The following MAP4 variants were observed in gnomAD, a reference collection of about 807,000 sequenced individuals.
MAP4 encodes microtubule-associated protein 4.
In MAP4, 76 loss-of-function variants were observed where a neutral mutation model predicts 170.2. That is an observed-to-expected ratio of 0.45 (90% confidence interval 0.37 to 0.54). The LOEUF is 0.54. Among genes scored for constraint, MAP4 ranks in the 20% least tolerant of loss-of-function variants. MAP4 has a pLI of 0.00. For missense variants in MAP4, 2,506 were observed against 2,748.0 expected (o/e 0.91, Z 1.97); for synonymous variants, 909 against 994.5 (o/e 0.91, Z 1.62).
Position 48,050,631 on chromosome 3 carries a change from G to A in MAP4, c.-20+38142C>T, listed in dbSNP as rs376036945. Among the ~76,000 whole-genome samples, 375 of 150,862 alleles carry A rather than the reference G, an allele frequency of 2.5e-3. 1 individual carries two copies. The highest frequency in any genetic ancestry group is 8.4e-3 in the African/African-American group (346 of 41,090). ...AAAAAAAAAAAAAACTATAGAGGAC[G>A]TGCGCGGTGGCCCACAACTGTAATC... On this transcript the variant is annotated intron_variant, in intron 1 of 18. Transcript: ENST00000360240.
intron 17 of MAP4, among the ~76,000 whole-genome samples, chr3:47,862,096 G>A (rs1371721962): frequency 8.7e-5 from 13 of 149,698 alleles, no homozygotes; most frequent in Non-Finnish European, 1.3e-4. Context: ...GGGAGGCGGA[G>A]GTTTCAGTGA....
chr3:47,880,603 C>T (rs2096559647), intron 10 of MAP4, among the ~76,000 whole-genome samples: 1 of 151,408 alleles, frequency 6.6e-6, no homozygotes, highest in African/African-American at 2.4e-5. Flanking sequence ...GTAGCTGGGA[C>T]TACTGGTACG....
At chr3:48,020,035 G>C (rs2100109801), upstream of MAP4, among the ~76,000 whole-genome samples, 1 of 152,034 alleles carries the variant, frequency 6.6e-6, no homozygotes. Context: ...GTTTTTTGTG[G>C]GGTTTTTGAG....
chr3:48,036,345 C>G (rs1268857316), intron 1 of MAP4, among the ~76,000 whole-genome samples: 3 of 152,196 alleles, frequency 2.0e-5, no homozygotes, highest in African/African-American at 7.2e-5. Context: ...AGTTAGCTCC[C>G]TTCACCAACA....
intron 10 of MAP4, among the ~76,000 whole-genome samples, chr3:47,900,109 A>T (rs2100029219): frequency 6.6e-6 from 1 of 152,224 alleles, no homozygotes; most frequent in South Asian, 2.1e-4. Context: ...GCCTCCAGGA[A>T]ACAATTATCA....
At chr3:48,045,485 C>T (rs1057033775) in intron 1 of MAP4, among the ~76,000 whole-genome samples, 1 of 151,972 alleles carries the variant, frequency 6.6e-6, no homozygotes, top group Non-Finnish European at 1.5e-5. Flanking sequence ...AGACTGTGCA[C>T]TCTTTATGAG....
At chr3:48,047,095 A>AAAATAAATAAATAAAT (rs373688704) in intron 1 of MAP4, among the ~76,000 whole-genome samples, 50 of 142,840 alleles carry the variant, frequency 3.5e-4, no homozygotes, top group Middle Eastern at 3.5e-3. Context: ...CTCCGTCTCA[A>AAAATAAATAAATAAAT]AAATAAATAA....
intron 7 of MAP4, 118 bp downstream of exon 7, chr3:47,915,833 T>C (rs1424407233): frequency 3.4e-6 from 4 of 1,188,624 alleles, no homozygotes; most frequent in African/African-American, 3.0e-5. Context: ...GGAGTATGAA[T>C]AAACTTGCAA....
rs1559446769 is a variant in MAP4, at chr3:47,916,053, T to C, written c.1774A>G (p.Met592Val). The C allele has an allele frequency of 6.2e-6, 10 of 1,614,128 alleles. No individual in the cohort carries two copies. Among genetic ancestry groups the C allele is most frequent in the Non-Finnish European group, 8.5e-6 (10 of 1,180,038 alleles). The change falls in exon 7 of 21, where the codon ATG becomes GTG. Residue 592 changes from methionine to valine, a missense_variant. Physicochemically the swap from Met to Val is conservative, Grantham distance 21. Coordinates refer to ENST00000683076, the MANE Select transcript of MAP4 (RefSeq NM_001385682.1). The part of the protein sequence containing the change: ...TEATPVPIKD[M>V]EIAQTQKGIS... ...CCTTTTTGTGTTTGTGCAATTTCCATGTCTTTAATTGGAACTGGTGTTGCC... is the reference window on the plus strand; with the variant it reads ...CCTTTTTGTGTTTGTGCAATTTCCACGTCTTTAATTGGAACTGGTGTTGCC...
Position 47,910,005 on chromosome 3 carries a change from C to G in MAP4, c.4416G>C (p.Gln1472His). Residue 1472 changes from glutamine (Q) to histidine (H), a missense_variant, in exon 9 of 21, where the codon CAG becomes CAC. Physicochemically the swap from Gln to His is conservative, Grantham distance 24. Transcript: ENST00000683076. ...AKNGQEIAPA[Q>H]ISKSLMVDNY... ...TATCTACCATTAATGATTTGGAAAT[C>G]TGGGCTGGGGCTATCTCTTGCCCAT... 6.2e-7 allele frequency: 1 copy of G among 1,613,980 alleles called. No individual in the cohort carries two copies. The highest frequency in any genetic ancestry group is 1.3e-5 in the African/African-American group (1 of 75,028).
Position 47,951,496 on chromosome 3 carries a change from C to T in MAP4, c.293-23146G>A, listed in dbSNP as rs550246486. 1.9e-4 allele frequency among the ~76,000 whole-genome samples: 29 copies of T among 152,328 alleles called. No homozygotes were observed. In the East Asian group the frequency reaches 5.6e-3, roughly 29 times the overall value. On this transcript the variant is annotated intron_variant, in intron 3 of 20. Transcript: ENST00000683076. ...TGCCTAGTGCCTGCGATTGCAGACG[C>T]GCGCCGCCACGCCTGACTGGTTTTC...
rs1430548296 is a variant in MAP4, at chr3:47,911,036, T to A, written c.3385A>T (p.Thr1129Ser). The A allele has an allele frequency of 6.5e-7, 1 of 1,536,072 alleles. No individual in the cohort carries two copies. Among genetic ancestry groups the A allele is most frequent in the Admixed American group, 2.0e-5 (1 of 50,984 alleles). Residue 1129 changes from threonine to serine, a missense_variant, in exon 9 of 21, where the codon ACT (threonine) becomes TCT (serine). By Grantham distance (58) the Thr-to-Ser change is moderately conservative. Around this residue, in one of 3 missense-constraint regions of MAP4, gnomAD observed 2,008 missense variants for 2,206.0 expected, o/e 0.91. Coordinates refer to ENST00000683076, the MANE Select transcript of MAP4 (RefSeq NM_001385682.1). This position sits in a 1 kb window ranked among gnomAD's most constrained non-coding sequence, Gnocchi z 4.0. ...LGLNSSKQPG[T>S]KADLTEAVVM... is the part of the protein sequence containing the mutation. ...ACTGCCTCCGTGAGATCAGCCTTAG[T>A]GCCTGGTTGCTTTGAAGAATTCAGC...
At chr3:47,988,867 C>T (rs1442015360) in intron 2 of MAP4, among the ~76,000 whole-genome samples, 1 of 152,028 alleles carries the variant, frequency 6.6e-6, no homozygotes, top group African/African-American at 2.4e-5. Context: ...GGCTTGAATG[C>T]AGTGGCACGA....
chr3:47,907,002 G>C (rs2100033469), intron 9 of MAP4, among the ~76,000 whole-genome samples: 1 of 151,880 alleles, frequency 6.6e-6, no homozygotes, highest in Non-Finnish European at 1.5e-5. Context: ...CACCCAGCTA[G>C]TTTTGTATTT....
chr3:47,955,435 T>TATAC (rs1553659679), intron 3 of MAP4, among the ~76,000 whole-genome samples: 5 of 135,488 alleles, frequency 3.7e-5, no homozygotes, highest in African/African-American at 1.4e-4. Flanking sequence ...AATAAGCACG[T>TATAC]ACACACACAC....
At chr3:47,882,081 T>C (rs1251544018) in intron 10 of MAP4, among the ~76,000 whole-genome samples, 1 of 152,032 alleles carries the variant, frequency 6.6e-6, no homozygotes, top group African/African-American at 2.4e-5. Flanking sequence ...GAGTTGGAGA[T>C]CAGCCTGGCC....
rs1384586163 is a variant in MAP4 at position 47,852,479 on chromosome 3, C to G, written c.*455G>C. On this transcript the variant is annotated 3_prime_UTR_variant, in exon 21 of 21. Transcript: ENST00000683076. The stretch of plus-strand genomic sequence containing the variant: ...TCGGAATCCACCTCCACTCTTCCCT[C>G]CAGGTAGATCCAGGGAGAAGGGAGG... The G allele has an allele frequency of 1.7e-5, 6 of 350,506 alleles. No homozygotes were observed. 21.7% of individuals were successfully genotyped at this position (350,506 alleles called of 1,614,324 possible).
chr3:47,977,640 C>T (rs942775745), intron 3 of MAP4, among the ~76,000 whole-genome samples: 2 of 152,198 alleles, frequency 1.3e-5, no homozygotes, highest in African/African-American at 2.4e-5. Context: ...TGTGGTACAG[C>T]TCCAATAAAT....
intron 1 of MAP4, among the ~76,000 whole-genome samples, chr3:48,026,502 CTA>C (rs2100113185): frequency 6.6e-6 from 1 of 152,106 alleles, no homozygotes; most frequent in Non-Finnish European, 1.5e-5. Flanking sequence ...TACAAAAACA[CTA>C]TATGTCAAGT....
Sources: allele counts gnomAD v4.1 joint callset (sites outside exome capture counted in the v4.1 genomes callset), GRCh38; gene constraint gnomAD v4.1.1; regional missense constraint gnomAD v4.1.1; non-coding constraint Gnocchi (gnomAD v3.1); transcripts MANE v1.5; gene names NCBI Gene and HGNC (gene_info 2026-07-23, HGNC 2026-07-21).